BMP8B: variants seen among roughly 807,000 people sequenced by gnomAD.
The protein encoded by BMP8B is bone morphogenetic protein 8 (osteogenic protein 2).
In BMP8B, 17 loss-of-function variants were observed where a neutral mutation model predicts 30.3. That is an observed-to-expected ratio of 0.56 (90% CI 0.38 to 0.84). BMP8B has a LOEUF of 0.84. Ranked by LOEUF, BMP8B falls within the 40% of genes least tolerant of loss-of-function variation. The pLI is 0.00. For missense variants in BMP8B, 253 were observed against 494.6 expected (o/e 0.51, Z 4.63); for synonymous variants, 131 against 214.7 (o/e 0.61, Z 3.41).
intron 1 of BMP8B, among the ~76,000 whole-genome samples, chr1:39,780,151 A>G (rs1439868707): frequency 6.6e-6 from 1 of 152,162 alleles, no homozygotes; most frequent in South Asian, 2.1e-4. Flanking sequence ...GTCATATTCT[A>G]TTGGTCACAC....
intron 1 of BMP8B, 65 bp from the exon 2 acceptor site, chr1:39,775,103 G>C: frequency 6.5e-7 from 1 of 1,546,672 alleles, no homozygotes; most frequent in South Asian, 1.2e-5. Context: ...GGGCAGAGCT[G>C]GTGTGAGCCA....
rs1648677489 is a variant in BMP8B, at chr1:39,759,647, C to T, written c.*772G>A. Reference sequence around the variant, plus strand: ...AGGGAAAACTCCACAGAGCTGAGCTCCTGGTGGGGCAACATGGTGGCAGAT... The same window carrying T: ...AGGGAAAACTCCACAGAGCTGAGCTTCTGGTGGGGCAACATGGTGGCAGAT... On this transcript the variant is annotated 3_prime_UTR_variant, in exon 7 of 7. Transcript: ENST00000372827. 3.9e-5 allele frequency: 6 copies of T among 152,240 alleles called. No individual in the cohort carries two copies. Among genetic ancestry groups the T allele is most frequent in the Admixed American group, 3.9e-4 (6 of 15,278 alleles). The allele number at this position is 152,240 out of a possible 1,614,324, so 9.4% of individuals were successfully genotyped here.
At chr1:39,780,850 C>T (rs113021866) in intron 1 of BMP8B, among the ~76,000 whole-genome samples, 4 of 152,284 alleles carry the variant, frequency 2.6e-5, no homozygotes, top group African/African-American at 7.2e-5. Flanking sequence ...AAGCTGTGAT[C>T]GCGCCACTGC....
At position 39,760,457 on chromosome 1, in the gene BMP8B, G is replaced by A. The variant is rs762242967; in HGVS notation, c.1171C>T (p.His391Tyr). ...DSSNNVILRKHRNMVVKACGC... is the reference protein window; with the variant it reads ...DSSNNVILRKYRNMVVKACGC... ...CAGGCCTTGACCACCATGTTGCGGTGCTTGCGCAGGATGACATTGTTGCTG... is the reference window on the plus strand; with the variant it reads ...CAGGCCTTGACCACCATGTTGCGGTACTTGCGCAGGATGACATTGTTGCTG... Residue 391 changes from histidine (H) to tyrosine (Y), a missense_variant, in exon 7 of 7, where the codon CAC becomes TAC. Transcript: ENST00000372827. The A allele has an allele frequency of 1.5e-5, 24 of 1,614,040 alleles. No homozygotes were observed. The highest frequency in any genetic ancestry group is 4.0e-5 in the African/African-American group (3 of 74,942).
Position 39,763,120 on chromosome 1 carries a change from G to T in BMP8B, c.1031C>A (p.Ala344Asp), listed in dbSNP as rs1009904734. The stretch of plus-strand genomic sequence containing the variant: ...GGACTGCAGGATGGCGTGGTTGGTG[G>T]CATTCATGCAGGAGTCCAGTGGGAA... ...CSFPLDSCMN[A>D]TNHAILQSLV... Residue 344 changes from alanine (A) to aspartate (D), a missense_variant, in exon 6 of 7, where the codon GCC becomes GAC. By Grantham distance (126) the Ala-to-Asp change is moderately radical. This residue lies in a region of BMP8B where 116 missense variants were observed against 142.3 expected (regional missense o/e 0.81). Coordinates refer to ENST00000372827, the MANE Select transcript of BMP8B (RefSeq NM_001720.5). The T allele has an allele frequency of 6.2e-7, 1 of 1,614,070 alleles. No homozygotes were observed. The highest frequency in any genetic ancestry group is 1.3e-5 in the African/African-American group (1 of 75,032).
intron 1 of BMP8B, among the ~76,000 whole-genome samples, chr1:39,786,898 C>T (rs558787464): frequency 0.013 from 1,922 of 152,334 alleles, 49 homozygotes; most frequent in African/African-American, 0.044. Flanking sequence ...CCTCTTCTGT[C>T]CTAGTGTAGG....
chr1:39,770,149 C>T, intron 3 of BMP8B: 3 of 1,242,610 alleles, frequency 2.4e-6, no homozygotes, highest in South Asian at 1.5e-5. Flanking sequence ...CGGGAAGCAC[C>T]GTGACCGTCT....
chr1:39,767,683 C>CTAGA (rs1364732683), intron 3 of BMP8B, among the ~76,000 whole-genome samples: 3 of 86,526 alleles, frequency 3.5e-5, no homozygotes, highest in Non-Finnish European at 7.7e-5. Flanking sequence ...TTGTCCGCTT[C>CTAGA]TAGATACCTC....
chr1:39,761,899 T>C (rs1649039180), intron 6 of BMP8B, among the ~76,000 whole-genome samples: 1 of 152,242 alleles, frequency 6.6e-6, no homozygotes, highest in South Asian at 2.1e-4. Flanking sequence ...GTCTGTTTGC[T>C]GCCCAGCAGG....
Position 39,760,334 on chromosome 1 carries a change from G to T in BMP8B, c.*85C>A, listed in dbSNP as rs953235830. ...CTCCCTGGCAATGCCCCGGCCTGGGGTCTGGCTGGGTTTGAGGGTTTCCTG... is the reference window on the plus strand; with the variant it reads ...CTCCCTGGCAATGCCCCGGCCTGGGTTCTGGCTGGGTTTGAGGGTTTCCTG... On this transcript the variant is annotated 3_prime_UTR_variant, in exon 7 of 7. Transcript: ENST00000372827. 1.3e-6 allele frequency: 2 copies of T among 1,578,946 alleles called. No individual in the cohort carries two copies. The highest frequency in any genetic ancestry group is 8.6e-7 in the Non-Finnish European group (1 of 1,164,162).
At chr1:39,762,901 C>A (rs559335189) in intron 6 of BMP8B, among the ~76,000 whole-genome samples, 191 bp downstream of exon 6, 1 of 152,222 alleles carries the variant, frequency 6.6e-6, no homozygotes, top group Non-Finnish European at 1.5e-5. Context: ...TGCGAGTCTA[C>A]GTGTAGTGTG....
rs1175073595 is a variant in BMP8B at position 39,788,682 on chromosome 1, C to G, written c.-197G>C. ...CCGCCGCGCGACACCTGTCCTGGCT[C>G]CTGGACGAGAGGACGCGGACGCCAC... On this transcript the variant is annotated 5_prime_UTR_variant, in exon 1 of 7. Coordinates refer to ENST00000372827, the MANE Select transcript of BMP8B (RefSeq NM_001720.5). This position sits in a 1 kb window ranked among gnomAD's most constrained non-coding sequence, Gnocchi z 5.8. 3.0e-6 allele frequency: 1 copy of G among 336,768 alleles called. No homozygotes were observed. Among genetic ancestry groups the G allele is most frequent in the Admixed American group, 6.5e-5 (1 of 15,430 alleles). The allele number at this position is 336,768 out of a possible 1,614,324, so 20.9% of individuals were successfully genotyped here.
chr1:39,768,066 G>A (rs1201717381), intron 3 of BMP8B, among the ~76,000 whole-genome samples: 11 of 149,806 alleles, frequency 7.3e-5, no homozygotes, highest in African/African-American at 2.2e-4. Context: ...TCAACAGCAC[G>A]TGTGCACGCG....
intron 1 of BMP8B, among the ~76,000 whole-genome samples, chr1:39,777,231 A>C (rs1487729580): frequency 6.6e-6 from 1 of 152,228 alleles, no homozygotes; most frequent in Non-Finnish European, 1.5e-5. Flanking sequence ...ACCAAGCTAT[A>C]CCTGGTTCCA....
intron 1 of BMP8B, among the ~76,000 whole-genome samples, chr1:39,775,543 C>T (rs1476833915): frequency 2.6e-5 from 4 of 152,268 alleles, no homozygotes; most frequent in South Asian, 2.1e-4. Context: ...ATGGGAGGTG[C>T]GGCAGGGGAG....
chr1:39,762,397 T>C, intron 6 of BMP8B: 12 of 1,308,236 alleles, frequency 9.2e-6, no homozygotes, highest in Non-Finnish European at 1.2e-5. Flanking sequence ...TACCAGGAAC[T>C]GGGATTCTAG....
At chr1:39,778,263 C>T (rs941657901) in intron 1 of BMP8B, among the ~76,000 whole-genome samples, 15 of 151,794 alleles carry the variant, frequency 9.9e-5, no homozygotes, top group Non-Finnish European at 1.9e-4. Flanking sequence ...CAGAAGCCAC[C>T]GACATTCCCG....
chr1:39,779,285 C>T (rs1449529828), intron 1 of BMP8B, among the ~76,000 whole-genome samples: 1 of 152,162 alleles, frequency 6.6e-6, no homozygotes, highest in Admixed American at 6.5e-5. Context: ...GAGGGCCGGC[C>T]CTACTCTGTC....
chr1:39,785,990 C>T (rs1405305824), intron 1 of BMP8B, among the ~76,000 whole-genome samples: 3 of 152,160 alleles, frequency 2.0e-5, no homozygotes, highest in Non-Finnish European at 4.4e-5. Flanking sequence ...CGCTGGAGGC[C>T]CCAAGTCTTC....
Sources: gnomAD v4.1 joint callset for allele counts (sites outside exome capture counted in the v4.1 genomes callset) on GRCh38, gnomAD v4.1.1 for gene constraint, gnomAD v4.1.1 regional missense constraint, Gnocchi (gnomAD v3.1) non-coding constraint, MANE v1.5 for transcripts, NCBI Gene and HGNC (gene_info 2026-07-23, HGNC 2026-07-21) for gene names.